ZNF423: variants seen among roughly 807,000 people sequenced by gnomAD.
The protein encoded by ZNF423 is zinc finger protein 423.
In ZNF423, 12 loss-of-function variants were observed where a neutral mutation model predicts 95.8. The observed-to-expected ratio is 0.13, with a 90% CI of 0.08 to 0.20. ZNF423 has a LOEUF of 0.20. Among genes scored for constraint, ZNF423 ranks in the 10% least tolerant of loss-of-function variants. ZNF423 has a pLI of 1.00. For synonymous variants in ZNF423, 749 were observed against 711.9 expected, an observed-to-expected ratio of 1.05 and a Z score of -0.83; for missense variants, 1,316 against 1,737.1, an observed-to-expected ratio of 0.76 and a Z score of 4.31.
chr16:49,740,658 C>G (rs1043502617), intron 2 of ZNF423, among the ~76,000 whole-genome samples: 1 of 152,198 alleles, frequency 6.6e-6, no homozygotes, highest in Non-Finnish European at 1.5e-5. Context: ...GTGTCCCTAT[C>G]GGTGCCTGTG....
At chr16:49,687,574 A>T (rs1009854868) in intron 3 of ZNF423, among the ~76,000 whole-genome samples, 5 of 152,240 alleles carry the variant, frequency 3.3e-5, no homozygotes, top group African/African-American at 1.2e-4. Context: ...ATCAAAAAAG[A>T]ATGAAAGAAA....
chr16:49,676,250 T>G (rs1007229515), intron 3 of ZNF423, among the ~76,000 whole-genome samples: 2 of 152,192 alleles, frequency 1.3e-5, no homozygotes, highest in African/African-American at 4.8e-5. Context: ...GCTGCAGAGC[T>G]CCACGAGGCA....
intron 3 of ZNF423, among the ~76,000 whole-genome samples, chr16:49,678,905 C>T (rs2031233052): frequency 6.6e-6 from 1 of 152,160 alleles, no homozygotes; most frequent in Admixed American, 6.5e-5. Flanking sequence ...CATACAAATG[C>T]TCAGAGATAC....
chr16:49,539,333 C>T (rs1459785526), intron 5 of ZNF423, among the ~76,000 whole-genome samples: 1 of 152,142 alleles, frequency 6.6e-6, no homozygotes, highest in Non-Finnish European at 1.5e-5. Flanking sequence ...TCCCGGGAAC[C>T]CCATACCACC....
intron 5 of ZNF423, among the ~76,000 whole-genome samples, chr16:49,548,646 G>A (rs193154410): frequency 1.1e-3 from 167 of 152,324 alleles, no homozygotes; most frequent in Non-Finnish European, 1.8e-3. Context: ...CGGGGAAGGC[G>A]GAGCAGAGAG....
chr16:49,581,589 C>A (rs2151802360), intron 5 of ZNF423, among the ~76,000 whole-genome samples: 1 of 152,266 alleles, frequency 6.6e-6, no homozygotes, highest in South Asian at 2.1e-4. Flanking sequence ...ATCCTCCCAA[C>A]ACATTTTATC....
chr16:49,759,838 G>A (rs2033794672), intron 2 of ZNF423, among the ~76,000 whole-genome samples: 1 of 152,138 alleles, frequency 6.6e-6, no homozygotes, highest in South Asian at 2.1e-4. Context: ...CTGTGCAGAT[G>A]AGACTAGGGT....
At chr16:49,513,275 A>T (rs1967971937) in intron 7 of ZNF423, among the ~76,000 whole-genome samples, 1 of 152,162 alleles carries the variant, frequency 6.6e-6, no homozygotes, top group South Asian at 2.1e-4. Flanking sequence ...GGCCACACCC[A>T]TCTGGGCCCT....
chr16:49,506,008 G>A (rs1990722), intron 7 of ZNF423, among the ~76,000 whole-genome samples: 2 of 152,174 alleles, frequency 1.3e-5, no homozygotes, highest in East Asian at 1.9e-4. Flanking sequence ...TATCTATATC[G>A]CCAGTCTGTC....
chr16:49,767,419 A>T (rs12921579), intron 2 of ZNF423, among the ~76,000 whole-genome samples: 24,349 of 152,156 alleles, frequency 0.16, 2,031 homozygotes, highest in South Asian at 0.26. Context: ...AGGTACAAAA[A>T]GACCAAACTA....
At chr16:49,592,806 C>T (rs1311939263) in intron 5 of ZNF423, among the ~76,000 whole-genome samples, 3 of 152,368 alleles carry the variant, frequency 2.0e-5, no homozygotes, top group East Asian at 1.9e-4. Flanking sequence ...CTCCCCTCCC[C>T]ACATGCTCCT....
At chr16:49,661,898 A>ACAGGCAGAATCCCTTCTGCCTCCT (rs1418842751) in intron 3 of ZNF423, among the ~76,000 whole-genome samples, 1 of 152,216 alleles carries the variant, frequency 6.6e-6, no homozygotes, top group East Asian at 1.9e-4. Context: ...AAGAGGGAAA[A>ACAGGCAGAATCCCTTCTGCCTCCT]CAGGCAGAAT....
At chr16:49,851,666 AC>A (rs1638845135) in intron 1 of ZNF423, among the ~76,000 whole-genome samples, 2 of 152,180 alleles carry the variant, frequency 1.3e-5, no homozygotes, top group Non-Finnish European at 2.9e-5. Context: ...CTGTAAAGTC[AC>A]CCGCATTTTG....
chr16:49,823,501 T>C (rs978057412), intron 1 of ZNF423, among the ~76,000 whole-genome samples: 5 of 152,228 alleles, frequency 3.3e-5, no homozygotes, highest in African/African-American at 9.6e-5. Flanking sequence ...AGCTGGTGTC[T>C]GAACAGGCCT....
At chr16:49,749,837 T>G (rs2033599964) in intron 2 of ZNF423, among the ~76,000 whole-genome samples, 1 of 152,218 alleles carries the variant, frequency 6.6e-6, no homozygotes, top group South Asian at 2.1e-4. Flanking sequence ...AAAGGTTTCC[T>G]CGCTTTGCAA....
chr16:49,508,445 A>G (rs12599465), intron 7 of ZNF423, among the ~76,000 whole-genome samples: 22,283 of 148,338 alleles, frequency 0.15, 1,726 homozygotes, highest in East Asian at 0.2. Context: ...GCTTGAACCC[A>G]GGAGTTCAAG....
chr16:49,764,174 C>T (rs1198413691), intron 2 of ZNF423, among the ~76,000 whole-genome samples: 3 of 152,184 alleles, frequency 2.0e-5, no homozygotes, highest in African/African-American at 7.2e-5. Flanking sequence ...GAGGACCCCT[C>T]GCTCCCATGC....
intron 1 of ZNF423, among the ~76,000 whole-genome samples, chr16:49,836,033 G>C (rs369472136): frequency 3.3e-5 from 5 of 152,210 alleles, no homozygotes; most frequent in Non-Finnish European, 2.9e-5. Context: ...CACCTACCCC[G>C]ACAACCACAG....
chr16:49,734,531 G>C (rs2033240633), intron 2 of ZNF423, among the ~76,000 whole-genome samples: 1 of 152,226 alleles, frequency 6.6e-6, no homozygotes, highest in Non-Finnish European at 1.5e-5. Flanking sequence ...GCTGGGGAGG[G>C]CTTCCCGAAA....
Sources: gnomAD v4.1 joint callset for allele counts (sites outside exome capture counted in the v4.1 genomes callset) on GRCh38, gnomAD v4.1.1 for gene constraint, MANE v1.5 for transcripts, NCBI Gene and HGNC (gene_info 2026-07-23, HGNC 2026-07-21) for gene names.